The following PXDN variants were observed in gnomAD, a reference collection of about 807,000 sequenced individuals.
PXDN encodes the protein peroxidasin, also known as peroxidasin homolog.
A neutral mutation model predicts 140.3 loss-of-function variants in PXDN; 77 were observed. The ratio of observed to expected loss-of-function variants is 0.55; its 90% CI spans 0.46 to 0.66. The LOEUF is 0.66. Ranked by LOEUF, PXDN falls within the 30% of genes least tolerant of loss-of-function variation. The pLI is 0.00. For synonymous variants in PXDN, 911 were observed against 857.4 expected (o/e 1.06, Z -1.09); for missense variants, 1,838 against 2,039.5 (o/e 0.90, Z 1.90).
At chr2:1,693,200 T>C in intron 1 of PXDN, 66 bp from the exon 2 acceptor site, 1 of 1,296,362 alleles carries the variant, frequency 7.7e-7, no homozygotes, top group African/African-American at 1.5e-5. Flanking sequence ...ACACATTTGC[T>C]GCTCTTAGTT....
chr2:1,649,938 G>C lies in PXDN; in HGVS notation c.2105-263C>G. On this transcript the variant is annotated intron_variant, in intron 16 of 22. Transcript: ENST00000252804. This position sits in a 1 kb window ranked among gnomAD's most constrained non-coding sequence, Gnocchi z 7.1. ...GGGCCCTGTCTCCCCTCCCCACTTA[G>C]CAGTCTCATGGTTTCAACCAGCAGC... Among the ~76,000 whole-genome samples the C allele has an allele frequency of 6.6e-6, 1 of 151,892 alleles. No homozygotes were observed. The highest frequency in any genetic ancestry group is 1.9e-4 in the East Asian group (1 of 5,148).
At position 1,660,608 on chromosome 2, in the gene PXDN, C is replaced by G. The variant is rs889427380; in HGVS notation, c.1837+273G>C. 6.6e-6 allele frequency among the ~76,000 whole-genome samples: 1 copy of G among 152,202 alleles called. No individual in the cohort carries two copies. Among genetic ancestry groups the G allele is most frequent in the Non-Finnish European group, 1.5e-5 (1 of 68,024 alleles). Reference sequence around the variant, plus strand: ...AGCAAAGCTCTGCCCAGTGGATGGGCTGCAGGGTAAGACATTGCCCAGTGG... The same window carrying G: ...AGCAAAGCTCTGCCCAGTGGATGGGGTGCAGGGTAAGACATTGCCCAGTGG... On this transcript the variant is annotated intron_variant, in intron 14 of 22. Coordinates refer to ENST00000252804, the MANE Select transcript of PXDN (RefSeq NM_012293.3). The surrounding 1 kb of genome is among the most constrained non-coding windows in gnomAD (Gnocchi z 4.6).
chr2:1,684,966 T>A (rs990936307), intron 4 of PXDN, among the ~76,000 whole-genome samples: 4 of 152,184 alleles, frequency 2.6e-5, no homozygotes, highest in African/African-American at 9.7e-5. Context: ...CAGTGACTAC[T>A]TCTTCAGGAG....
intron 8 of PXDN, among the ~76,000 whole-genome samples, chr2:1,675,663 C>A (rs73910831): frequency 0.079 from 12,003 of 152,180 alleles, 776 homozygotes; most frequent in African/African-American, 0.18. Context: ...TGTTCCTGAC[C>A]ACTGGGGATG....
intron 1 of PXDN, 25 bp downstream of exon 1, chr2:1,744,231 C>T (rs1685634615): frequency 1.4e-6 from 2 of 1,470,732 alleles, no homozygotes; most frequent in Non-Finnish European, 1.8e-6. Context: ...GACCCCGCGC[C>T]CCCGGCGTCC....
chr2:1,702,298 AC>A (rs934881055), intron 1 of PXDN, among the ~76,000 whole-genome samples: 3 of 151,694 alleles, frequency 2.0e-5, no homozygotes, highest in South Asian at 2.1e-4. Context: ...GCCAGGTGCC[AC>A]CCCCCCAACC....
At chr2:1,659,128 G>A (rs991186825) in intron 14 of PXDN, among the ~76,000 whole-genome samples, 4 of 152,150 alleles carry the variant, frequency 2.6e-5, no homozygotes, top group African/African-American at 7.2e-5. Flanking sequence ...CCAACCCGAG[G>A]GCCCTTCTGA....
chr2:1,639,158 T>A lies in PXDN; in HGVS notation c.4073+144A>T. The stretch of plus-strand genomic sequence containing the variant: ...GTGGGCAGCACAGCAGGACGCAGGC[T>A]GCGGCCTGGCCCCCAGTGCCCTGGG... On this transcript the variant is annotated intron_variant, in intron 20 of 22. Transcript: ENST00000252804. The surrounding 1 kb of genome is among the most constrained non-coding windows in gnomAD (Gnocchi z 5.0). 2.0e-6 allele frequency: 3 copies of A among 1,486,006 alleles called. No individual in the cohort carries two copies. The highest frequency in any genetic ancestry group is 9.1e-7 in the Non-Finnish European group (1 of 1,102,976). The allele number at this position is 1,486,006 out of a possible 1,614,324, so 92.1% of individuals were successfully genotyped here.
At chr2:1,712,499 A>G (rs1303086826) in intron 1 of PXDN, among the ~76,000 whole-genome samples, 1 of 152,364 alleles carries the variant, frequency 6.6e-6, no homozygotes. Context: ...AGCCTGGTTC[A>G]TGTCAGATCA....
At chr2:1,727,011 A>C (rs1185733186) in intron 1 of PXDN, among the ~76,000 whole-genome samples, 1 of 152,218 alleles carries the variant, frequency 6.6e-6, no homozygotes, top group Admixed American at 6.5e-5. Flanking sequence ...TGTTGTCTCA[A>C]AAGGGAAAAT....
chr2:1,658,025 G>T (rs7584015), intron 14 of PXDN, among the ~76,000 whole-genome samples: 15 of 101,900 alleles, frequency 1.5e-4, no homozygotes, highest in Admixed American at 1.0e-3. Flanking sequence ...TTTCAGCTGT[G>T]GGCTCTCTCT....
Position 1,680,382 on chromosome 2 carries a change from G to A in PXDN, c.561-20C>T, listed in dbSNP as rs765231578. ...AGTCGCCTGTGGGAAGGAAGATGCA[G>A]CCGGTGAGACATGGGGTGGCTGGGC... On this transcript the variant is annotated intron_variant, in intron 6 of 22. Transcript: ENST00000252804. The A allele has an allele frequency of 6.2e-7, 1 of 1,613,618 alleles. No individual in the cohort carries two copies. The highest frequency in any genetic ancestry group is 1.1e-5 in the South Asian group (1 of 91,082).
chr2:1,740,674 C>A lies in PXDN; in HGVS notation c.200+3582G>T, dbSNP rs553063278. The stretch of plus-strand genomic sequence containing the variant: ...CAGGACTGCACACACCTGGGGTCAT[C>A]TTACCACTCCCAGGAAGCCCCCTGA... On this transcript the variant is annotated intron_variant, in intron 1 of 22. Coordinates refer to ENST00000252804, the MANE Select transcript of PXDN (RefSeq NM_012293.3). 1.5e-4 allele frequency among the ~76,000 whole-genome samples: 23 copies of A among 152,274 alleles called. No individual in the cohort carries two copies. The East Asian group carries it at 4.3e-3, about 28-fold the overall frequency.
chr2:1,635,980 G>A, intron 21 of PXDN: 1 of 280,422 alleles, frequency 3.6e-6, no homozygotes, highest in South Asian at 3.7e-5. Context: ...AGGGGTAGCA[G>A]AAGCCTCCTG....
chr2:1,723,531 G>C (rs763239350), intron 1 of PXDN, among the ~76,000 whole-genome samples: 10 of 152,142 alleles, frequency 6.6e-5, no homozygotes, highest in Non-Finnish European at 1.0e-4. Flanking sequence ...AGAATAGATG[G>C]TTGAGTTGTT....
chr2:1,718,867 G>C (rs1485650353), intron 1 of PXDN, among the ~76,000 whole-genome samples: 1 of 152,258 alleles, frequency 6.6e-6, no homozygotes, highest in Middle Eastern at 3.2e-3. Context: ...AGGCAGAGCG[G>C]GCAGCTCCCA....
chr2:1,651,712 A>C lies in PXDN; in HGVS notation c.2104+1916T>G, dbSNP rs896811400. On this transcript the variant is annotated intron_variant, in intron 16 of 22. Transcript: ENST00000252804. The surrounding 1 kb of genome is among the most constrained non-coding windows in gnomAD (Gnocchi z 4.4). Reference sequence around the variant, plus strand: ...CCTCGCCCTTGTGGGGTCCCTGCTCACGTGTCACCTTCGCCCATGGGGAAC... The same window carrying C: ...CCTCGCCCTTGTGGGGTCCCTGCTCCCGTGTCACCTTCGCCCATGGGGAAC... Among the ~76,000 whole-genome samples the C allele has an allele frequency of 6.6e-6, 1 of 151,866 alleles. No individual in the cohort carries two copies. The highest frequency in any genetic ancestry group is 2.1e-4 in the South Asian group (1 of 4,810).
In PXDN at chr2:1,658,063, T is replaced by C. The variant is rs1454664841; in HGVS notation, c.1837+2818A>G. ...CTCTCTCTCTCTCTCTCTCTCTCTC[T>C]CTCTCTCTCTCTCTCTCTCTCTCTC... On this transcript the variant is annotated intron_variant, in intron 14 of 22. Coordinates refer to ENST00000252804, the MANE Select transcript of PXDN (RefSeq NM_012293.3). Among the ~76,000 whole-genome samples the C allele has an allele frequency of 1.0e-3, 110 of 105,322 alleles. 5 individuals are homozygous for C. The highest frequency in any genetic ancestry group is 4.9e-3 in the Middle Eastern group (1 of 204). 69.1% of individuals were successfully genotyped at this position (105,322 alleles called of 152,430 possible).
In PXDN at chr2:1,648,732, A is replaced by G. The variant is rs752455299; in HGVS notation, c.3048T>C (p.Tyr1016=). The change falls in exon 17 of 23, where the codon TAT becomes TAC. Residue 1016 remains tyrosine (Y), a synonymous_variant. Transcript: ENST00000252804. The surrounding 1 kb of genome is among the most constrained non-coding windows in gnomAD (Gnocchi z 8.9). ...CCGCACCCACGATCTTCCTGGTCTC[A>G]TAGTAGATGGTGTCGCCGTCCCAGT... The part of the protein sequence containing the change: ...NPHWDGDTIY[Y]ETRKIVGAEI... The G allele has an allele frequency of 6.2e-7, 1 of 1,605,308 alleles. No homozygotes were observed. The highest frequency in any genetic ancestry group is 8.5e-7 in the Non-Finnish European group (1 of 1,176,406).
Sources: gnomAD v4.1 joint callset for allele counts (sites outside exome capture counted in the v4.1 genomes callset) on GRCh38, gnomAD v4.1.1 for gene constraint, Gnocchi (gnomAD v3.1) non-coding constraint, MANE v1.5 for transcripts, NCBI Gene and HGNC (gene_info 2026-07-23, HGNC 2026-07-21) for gene names.